Variants in ZAN observed in about 807,000 individuals in gnomAD.
The protein encoded by ZAN is zonadhesin.
Under a neutral mutation model 286.2 loss-of-function variants are expected in ZAN, and 260 were observed. The observed-to-expected ratio is 0.91, with a 90% CI of 0.82 to 1.01. The LOEUF (loss-of-function observed/expected upper bound fraction) is 1.01. Ranked by LOEUF, ZAN falls within the 50% of genes least tolerant of loss-of-function variation. ZAN has a pLI of 0.00. For synonymous variants in ZAN, 1,368 were observed against 1,417.5 expected, an observed-to-expected ratio of 0.97 and a Z score of 0.79; for missense variants, 3,410 against 3,639.2, an observed-to-expected ratio of 0.94 and a Z score of 1.62.
At chr7:100,775,916 C>T in intron 33 of ZAN, 83 bp downstream of exon 33, 3 of 1,539,920 alleles carry the variant, frequency 1.9e-6, no homozygotes, top group South Asian at 1.3e-5. Flanking sequence ...GCAGTGTTCG[C>T]ATCGTGCCTG....
In ZAN at chr7:100,788,115, C is replaced by A; in HGVS notation, c.7206C>A (p.Leu2402=). Reference sequence around the variant, plus strand: ...CCGTCTACGGCTATAAAGTGCAGCTCCAAGCTGGTCTGGAGCTTGTGGTAA... The same window carrying A: ...CCGTCTACGGCTATAAAGTGCAGCTACAAGCTGGTCTGGAGCTTGTGGTAA... ...ITTVYGYKVQ[L]QAGLELVVNN... Residue 2402 remains leucine (L), a synonymous_variant, in exon 38 of 48, where the codon CTC becomes CTA. Coordinates refer to ENST00000613979, the MANE Select transcript of ZAN (RefSeq NM_003386.3). The A allele has an allele frequency of 6.6e-7, 1 of 1,525,932 alleles. No homozygotes were observed. The highest frequency in any genetic ancestry group is 8.9e-7 in the Non-Finnish European group (1 of 1,124,364). The allele number at this position is 1,525,932 out of a possible 1,614,324, so 94.5% of individuals were successfully genotyped here. A position where few individuals can be genotyped will look rare whatever the true frequency, so the allele number is the denominator to read the frequency against.
intron 35 of ZAN, among the ~76,000 whole-genome samples, chr7:100,782,258 G>A (rs1188378530): frequency 6.8e-6 from 1 of 148,144 alleles, no homozygotes; most frequent in Non-Finnish European, 1.5e-5. Flanking sequence ...CTTGTTTTAT[G>A]TCTTCTGCAT....
Position 100,788,113 on chromosome 7 carries a change from C to A in ZAN, c.7204C>A (p.Leu2402Ile). The A allele has an allele frequency of 6.5e-7, 1 of 1,530,326 alleles. No homozygotes were observed. The highest frequency in any genetic ancestry group is 1.3e-5 in the South Asian group (1 of 78,934). The allele number at this position is 1,530,326 out of a possible 1,614,324, so 94.8% of individuals were successfully genotyped here. Reference sequence around the variant, plus strand: ...CACCGTCTACGGCTATAAAGTGCAGCTCCAAGCTGGTCTGGAGCTTGTGGT... The same window carrying A: ...CACCGTCTACGGCTATAAAGTGCAGATCCAAGCTGGTCTGGAGCTTGTGGT... Reference protein sequence around the residue: ...ITTVYGYKVQLQAGLELVVNN... With the variant: ...ITTVYGYKVQIQAGLELVVNN... The change falls in exon 38 of 48, where the codon CTC becomes ATC. Residue 2402 changes from leucine to isoleucine, a missense_variant. Leu to Ile is a conservative substitution (Grantham distance 5, BLOSUM62 2). This residue lies in a region of ZAN where 1,289 missense variants were observed against 1,314.3 expected (regional missense o/e 0.98). Transcript: ENST00000613979.
chr7:100,766,069 C>T (rs1809949449), intron 23 of ZAN, among the ~76,000 whole-genome samples: 1 of 151,100 alleles, frequency 6.6e-6, no homozygotes, highest in Non-Finnish European at 1.5e-5. Flanking sequence ...TCACTGCAAC[C>T]TCCGCCTCCC....
intron 11 of ZAN, among the ~76,000 whole-genome samples, chr7:100,749,639 C>CAAAAA (rs762868522): frequency 7.5e-5 from 5 of 66,884 alleles, no homozygotes; most frequent in African/African-American, 1.6e-4. Flanking sequence ...GACTCCGTCT[C>CAAAAA]AAAAAAAAAA....
At chr7:100,774,743 T>C (rs892865227) in intron 31 of ZAN, among the ~76,000 whole-genome samples, 6 of 151,836 alleles carry the variant, frequency 4.0e-5, no homozygotes, top group Non-Finnish European at 8.8e-5. Flanking sequence ...GGAGGACCAC[T>C]TGAGCCCAGG....
chr7:100,783,783 T>TATGTATATATATACAC (rs377402352), intron 35 of ZAN, among the ~76,000 whole-genome samples: 1 of 20,488 alleles, frequency 4.9e-5, no homozygotes, highest in Admixed American at 8.6e-4. Context: ...TATATATATA[T>TATGTATATATATACAC]ACACATATAT....
chr7:100,790,035 G>A (rs778278984), intron 39 of ZAN, among the ~76,000 whole-genome samples: 19 of 151,778 alleles, frequency 1.3e-4, no homozygotes, highest in Admixed American at 6.6e-4. Flanking sequence ...GAGACGGGAG[G>A]ATCGCTTGAG....
At chr7:100,790,812 G>C in intron 39 of ZAN, 130 bp from the exon 40 acceptor site, 1 of 998,782 alleles carries the variant, frequency 1.0e-6, no homozygotes, top group Non-Finnish European at 1.4e-6. Context: ...GAAACCAGGA[G>C]GCGGAGGTTG....
rs760846665 is a variant in ZAN at position 100,738,490 on chromosome 7, A to G, written c.643A>G (p.Ile215Val). ...TATGATGCAAACATGCAGCTTTGAC[A>G]TTCCAAATGACCTCTGTGACTGGAC... is the stretch of plus-strand genomic sequence containing the variant. ...VCMMQTCSFD[I>V]PNDLCDWTWI... Residue 215 changes from isoleucine (I) to valine (V), a missense_variant, in exon 7 of 48, where the codon ATT becomes GTT. Ile to Val is a conservative substitution (Grantham distance 29). This residue lies in a region of ZAN where 872 missense variants were observed against 938.9 expected (regional missense o/e 0.93). Coordinates refer to ENST00000613979, the MANE Select transcript of ZAN (RefSeq NM_003386.3). 5 of 1,480,796 alleles carry G rather than the reference A, an allele frequency of 3.4e-6. 1 individual carries two copies. Among genetic ancestry groups the G allele is most frequent in the African/African-American group, 2.9e-5 (2 of 69,964 alleles). The allele number at this position is 1,480,796 out of a possible 1,614,324, so 91.7% of individuals were successfully genotyped here. A position where few individuals can be genotyped will look rare whatever the true frequency, so the allele number is the denominator to read the frequency against.
intron 47 of ZAN, 27 bp downstream of exon 47, chr7:100,797,650 C>A (rs1369923633): frequency 1.2e-6 from 2 of 1,613,886 alleles, no homozygotes; most frequent in African/African-American, 2.7e-5. Flanking sequence ...CAGCCCGGAA[C>A]CTCGGGGCCT....
intron 17 of ZAN, among the ~76,000 whole-genome samples, chr7:100,759,096 G>A (rs112036771): frequency 0.039 from 5,882 of 151,874 alleles, 208 homozygotes; most frequent in African/African-American, 0.087. Flanking sequence ...TTGGTGGCAG[G>A]CACCTGTAAT....
chr7:100,745,478 G>A (rs540680906), intron 7 of ZAN, among the ~76,000 whole-genome samples: 1 of 151,856 alleles, frequency 6.6e-6, no homozygotes, highest in Admixed American at 6.6e-5. Context: ...GGCTGTCTGA[G>A]CTGGGGGCCG....
chr7:100,793,738 T>C, intron 42 of ZAN, 82 bp from the exon 43 acceptor site: 2 of 1,447,596 alleles, frequency 1.4e-6, no homozygotes, highest in Non-Finnish European at 1.9e-6. Flanking sequence ...GTGCCCAGCC[T>C]ACTCTGAGTT....
intron 40 of ZAN, 133 bp downstream of exon 40, chr7:100,791,246 T>C: frequency 8.4e-7 from 1 of 1,186,038 alleles, no homozygotes; most frequent in Non-Finnish European, 1.2e-6. Context: ...ATCCTCCCAA[T>C]TCCGTCATTC....
At chr7:100,749,233 T>A (rs548279188) in intron 11 of ZAN, among the ~76,000 whole-genome samples, 1 of 151,848 alleles carries the variant, frequency 6.6e-6, no homozygotes. Flanking sequence ...TCCCAGCTAC[T>A]CAGGAGGCTG....
At chr7:100,743,856 G>A (rs370668638) in intron 7 of ZAN, among the ~76,000 whole-genome samples, 35 of 151,334 alleles carry the variant, frequency 2.3e-4, no homozygotes, top group African/African-American at 4.9e-4. Context: ...CAGCCTGGGC[G>A]ACAGAGTGAG....
chr7:100,742,221 C>T (rs1584549324), intron 7 of ZAN, among the ~76,000 whole-genome samples: 1 of 118,578 alleles, frequency 8.4e-6, no homozygotes, highest in African/African-American at 3.3e-5. Context: ...CTCCTCACAT[C>T]CCAGATGGGG....
Position 100,776,463 on chromosome 7 carries a change from C to T in ZAN, c.6216C>T (p.Phe2072=). 1 of 1,606,250 alleles carries T rather than the reference C, an allele frequency of 6.2e-7. No individual in the cohort carries two copies. The highest frequency in any genetic ancestry group is 8.5e-7 in the Non-Finnish European group (1 of 1,176,562). The change falls in exon 34 of 48, where the codon TTC becomes TTT. Residue 2072 remains phenylalanine (F), a synonymous_variant. Transcript: ENST00000613979. Reference sequence around the variant, plus strand: ...AGGTCTGCGGCATGTGTGGGAACTTCAATGATGAGGAAGAGGACGAACTAA... The same window carrying T: ...AGGTCTGCGGCATGTGTGGGAACTTTAATGATGAGGAAGAGGACGAACTAA... The part of the protein sequence containing the change: ...YGKVCGMCGN[F]NDEEEDELMM...
Sources: allele counts gnomAD v4.1 joint callset (sites outside exome capture counted in the v4.1 genomes callset), GRCh38; gene constraint gnomAD v4.1.1; regional missense constraint gnomAD v4.1.1; transcripts MANE v1.5; gene names NCBI Gene and HGNC (gene_info 2026-07-23, HGNC 2026-07-21).